NPFFR2: variants seen among roughly 807,000 people sequenced by gnomAD.
The protein encoded by NPFFR2 is G-protein coupled receptor 74.
Under a neutral mutation model 13.1 loss-of-function variants are expected in NPFFR2, and 15 were observed. The observed-to-expected ratio is 1.15, with a 90% CI of 0.77 to 1.76. The LOEUF (loss-of-function observed/expected upper bound fraction) is 1.76. Among genes scored for constraint, NPFFR2 ranks in the 40% most tolerant of loss-of-function variants. The pLI, the probability that NPFFR2 is intolerant of heterozygous loss-of-function variation, is 0.00. For missense variants in NPFFR2, 572 were observed against 503.5 expected (o/e 1.14, Z -1.30); for synonymous variants, 190 against 175.7 (o/e 1.08, Z -0.65).
chr4:72,096,693 C>G (rs1462423930), intron 1 of NPFFR2, among the ~76,000 whole-genome samples: 3 of 152,068 alleles, frequency 2.0e-5, no homozygotes, highest in East Asian at 3.9e-4. Context: ...AACTAATTAA[C>G]ATCTTACTTA....
At chr4:72,066,169 A>G (rs560821500) in intron 1 of NPFFR2, among the ~76,000 whole-genome samples, 1 of 152,300 alleles carries the variant, frequency 6.6e-6, no homozygotes, top group South Asian at 2.1e-4. Flanking sequence ...TTGTTGCTGC[A>G]TCCTCTGGAG....
rs555657123 is a variant in NPFFR2 at position 72,144,809 on chromosome 4, T to A, written c.429-2169T>A. ...GCTTTATCCTTGAATCTTCTTTCTG[T>A]CAACTTTGCTGGCACTCTCCAAATT... On this transcript the variant is annotated intron_variant, in intron 3 of 3. Coordinates refer to ENST00000308744, the MANE Select transcript of NPFFR2 (RefSeq NM_004885.3). Among the ~76,000 whole-genome samples, 12 of 152,304 alleles carry A rather than the reference T, an allele frequency of 7.9e-5. No individual in the cohort carries two copies. The East Asian group carries it at 2.3e-3, about 29-fold the overall frequency.
At chr4:72,046,224 A>G (rs1157750283) in intron 1 of NPFFR2, among the ~76,000 whole-genome samples, 1 of 152,142 alleles carries the variant, frequency 6.6e-6, no homozygotes, top group Non-Finnish European at 1.5e-5. Flanking sequence ...AGATAATGCT[A>G]TGGTTTGGAA....
At position 72,124,865 on chromosome 4, in the gene NPFFR2, A is replaced by C. The variant is rs535956041; in HGVS notation, c.-7-3720A>C. On this transcript the variant is annotated intron_variant, in intron 1 of 3. Coordinates refer to ENST00000308744, the MANE Select transcript of NPFFR2 (RefSeq NM_004885.3). ...ACCATTCAGGACATAGGCATGGGCA[A>C]GGACTTCATGACTAAAACACCAAAA... Among the ~76,000 whole-genome samples the C allele has an allele frequency of 7.9e-5, 12 of 152,232 alleles. No homozygotes were observed. In the South Asian group the frequency reaches 2.3e-3, roughly 29 times the overall value.
chr4:72,095,441 T>A (rs1450381073), intron 1 of NPFFR2, among the ~76,000 whole-genome samples: 1 of 152,126 alleles, frequency 6.6e-6, no homozygotes, highest in Non-Finnish European at 1.5e-5. Context: ...TTACTAAAGA[T>A]TTGCAAGCCC....
intron 1 of NPFFR2, among the ~76,000 whole-genome samples, chr4:72,109,116 A>G (rs1358403896): frequency 6.6e-6 from 1 of 152,064 alleles, no homozygotes; most frequent in Non-Finnish European, 1.5e-5. Flanking sequence ...TCTTTTCTTT[A>G]GATTACAGAT....
intron 1 of NPFFR2, among the ~76,000 whole-genome samples, chr4:72,122,645 A>G (rs1395410363): frequency 6.6e-6 from 1 of 152,226 alleles, no homozygotes; most frequent in Non-Finnish European, 1.5e-5. Context: ...TCTGCTCCCA[A>G]ATGACTACTG....
intron 1 of NPFFR2, among the ~76,000 whole-genome samples, chr4:72,040,279 T>G (rs151264069): frequency 1.2e-4 from 18 of 152,296 alleles, no homozygotes; most frequent in Non-Finnish European, 2.5e-4. Context: ...AGGATTTTTA[T>G]TTTTAAAAAT....
chr4:72,101,381 G>A (rs1459378877), intron 1 of NPFFR2, among the ~76,000 whole-genome samples: 3 of 151,636 alleles, frequency 2.0e-5, no homozygotes, highest in Non-Finnish European at 4.4e-5. Flanking sequence ...GTGCTGGGGT[G>A]AGACAATTAT....
intron 1 of NPFFR2, among the ~76,000 whole-genome samples, chr4:72,054,916 A>T (rs181058833): frequency 3.3e-5 from 5 of 152,042 alleles, no homozygotes; most frequent in Non-Finnish European, 5.9e-5. Flanking sequence ...ATCATCCTCA[A>T]CAAGGGTGAT....
chr4:72,130,122 G>T (rs1344957255), intron 2 of NPFFR2, among the ~76,000 whole-genome samples: 2 of 151,678 alleles, frequency 1.3e-5, no homozygotes, highest in African/African-American at 4.9e-5. Flanking sequence ...CTAACAAAAT[G>T]GAGTCTCCTA....
At chr4:72,108,440 T>G (rs1320929464) in intron 1 of NPFFR2, among the ~76,000 whole-genome samples, 1 of 152,002 alleles carries the variant, frequency 6.6e-6, no homozygotes, top group Non-Finnish European at 1.5e-5. Flanking sequence ...TCTGGCCAGT[T>G]GCTTTAACAG....
At chr4:72,115,799 ATTG>A (rs906003539) in intron 1 of NPFFR2, among the ~76,000 whole-genome samples, 3 of 152,074 alleles carry the variant, frequency 2.0e-5, no homozygotes, top group African/African-American at 7.2e-5. Context: ...GTATCTATAG[ATTG>A]TTTATTAATA....
chr4:72,069,309 A>T (rs760072507), intron 1 of NPFFR2, among the ~76,000 whole-genome samples: 11 of 152,174 alleles, frequency 7.2e-5, no homozygotes, highest in Non-Finnish European at 1.5e-4. Context: ...ATCAAATTAT[A>T]TCATTATGTA....
chr4:72,057,643 A>G (rs981383548), intron 1 of NPFFR2, among the ~76,000 whole-genome samples: 7 of 151,968 alleles, frequency 4.6e-5, no homozygotes, highest in African/African-American at 1.7e-4. Context: ...CCTTTTTCCA[A>G]GTAAGGTCAC....
At chr4:72,042,887 G>A (rs1017420300) in intron 1 of NPFFR2, among the ~76,000 whole-genome samples, 26 of 152,200 alleles carry the variant, frequency 1.7e-4, no homozygotes, top group African/African-American at 6.0e-4. Flanking sequence ...CATAAGTAAC[G>A]AGGAGCAGAA....
In NPFFR2 at chr4:72,125,238, C is replaced by T. The variant is rs146339294; in HGVS notation, c.-7-3347C>T. Among the ~76,000 whole-genome samples, 334 of 152,240 alleles carry T rather than the reference C, an allele frequency of 2.2e-3. 1 individual carries two copies. The highest frequency in any genetic ancestry group is 3.6e-3 in the Non-Finnish European group (248 of 68,022). On this transcript the variant is annotated intron_variant, in intron 1 of 3. Coordinates refer to ENST00000308744, the MANE Select transcript of NPFFR2 (RefSeq NM_004885.3). ...AAAACTACAATGAGATACCATCTCACGCCAGTTAGAATTGCAATCATTAAA... is the reference window on the plus strand; with the variant it reads ...AAAACTACAATGAGATACCATCTCATGCCAGTTAGAATTGCAATCATTAAA...
At chr4:72,099,920 A>G (rs1329405309) in intron 1 of NPFFR2, among the ~76,000 whole-genome samples, 1 of 152,084 alleles carries the variant, frequency 6.6e-6, no homozygotes, top group African/African-American at 2.4e-5. Flanking sequence ...ATATACATAA[A>G]TATCAGTGGT....
At chr4:72,093,840 A>C (rs977573681) in intron 1 of NPFFR2, among the ~76,000 whole-genome samples, 1 of 145,518 alleles carries the variant, frequency 6.9e-6, no homozygotes, top group Admixed American at 6.8e-5. Context: ...TTTTTTGTTA[A>C]TTCAGAGAGT....
Sources: allele counts gnomAD v4.1 joint callset (sites outside exome capture counted in the v4.1 genomes callset), GRCh38; gene constraint gnomAD v4.1.1; transcripts MANE v1.5; gene names NCBI Gene and HGNC (gene_info 2026-07-23, HGNC 2026-07-21).